Variants in BMPR1B observed in about 807,000 individuals in gnomAD.
BMPR1B encodes bone morphogenetic protein receptor type 1B.
In BMPR1B, 12 loss-of-function variants were observed where a neutral mutation model predicts 59.1. That is an observed-to-expected ratio of 0.20 (90% CI 0.13 to 0.33). The LOEUF is 0.33. BMPR1B is among the 10% of genes least tolerant of loss of function. BMPR1B has a pLI of 1.00. For synonymous variants in BMPR1B, 237 were observed against 207.3 expected (o/e 1.14, Z -1.23); for missense variants, 550 against 610.9 (o/e 0.90, Z 1.05).
At chr4:95,109,015 T>G (rs1287949920) in intron 4 of BMPR1B, among the ~76,000 whole-genome samples, 1 of 152,122 alleles carries the variant, frequency 6.6e-6, no homozygotes, top group Admixed American at 6.6e-5. Flanking sequence ...TTATATATTT[T>G]TTCTCTATAT....
intron 3 of BMPR1B, among the ~76,000 whole-genome samples, chr4:95,076,060 A>G (rs1728683912): frequency 6.6e-6 from 1 of 152,192 alleles, no homozygotes; most frequent in Non-Finnish European, 1.5e-5. Flanking sequence ...ATTCAAAAAT[A>G]GTTTCTAAAT....
At chr4:95,008,025 T>C (rs557525872) in intron 3 of BMPR1B, among the ~76,000 whole-genome samples, 2 of 152,302 alleles carry the variant, frequency 1.3e-5, no homozygotes, top group South Asian at 4.1e-4. Context: ...CTTGTGCAAC[T>C]ATGTGGGAGT....
intron 1 of BMPR1B, among the ~76,000 whole-genome samples, chr4:94,835,739 T>C (rs74901655): frequency 6.6e-6 from 1 of 152,186 alleles, no homozygotes; most frequent in Admixed American, 6.6e-5. Flanking sequence ...TCCAGCCATT[T>C]AGGAGTTATC....
intron 3 of BMPR1B, among the ~76,000 whole-genome samples, chr4:95,037,633 A>G (rs540981662): frequency 1.3e-5 from 2 of 152,212 alleles, no homozygotes; most frequent in Non-Finnish European, 2.9e-5. Flanking sequence ...GATGAAAAGG[A>G]TAAAGACTAA....
chr4:94,967,642 C>T (rs954515603), intron 2 of BMPR1B, among the ~76,000 whole-genome samples: 3 of 152,008 alleles, frequency 2.0e-5, no homozygotes, highest in Non-Finnish European at 4.4e-5. Context: ...GCCACCATGC[C>T]CGGCTAATTT....
chr4:95,105,297 T>C (rs1731122755), intron 4 of BMPR1B, among the ~76,000 whole-genome samples: 1 of 152,016 alleles, frequency 6.6e-6, no homozygotes, highest in Non-Finnish European at 1.5e-5. Flanking sequence ...GGGTCAGCTA[T>C]CTAGAAGAGC....
At chr4:95,030,749 A>G (rs138456042) in intron 3 of BMPR1B, among the ~76,000 whole-genome samples, 41,852 of 152,078 alleles carry the variant, frequency 0.28, 6,517 homozygotes, top group South Asian at 0.43. Context: ...GAGCCAAATA[A>G]TGAGTGAACT....
At chr4:95,123,209 A>G (rs545433711) in intron 6 of BMPR1B, among the ~76,000 whole-genome samples, 1 of 152,292 alleles carries the variant, frequency 6.6e-6, no homozygotes, top group South Asian at 2.1e-4. Context: ...TGGAACATAT[A>G]CATTCTTTTA....
chr4:94,801,289 A>G (rs1041928069), intron 1 of BMPR1B, among the ~76,000 whole-genome samples: 1 of 152,204 alleles, frequency 6.6e-6, no homozygotes, highest in Non-Finnish European at 1.5e-5. Flanking sequence ...ACTAAATACA[A>G]AACAGTTCTT....
chr4:94,789,346 T>C (rs1291988317), intron 1 of BMPR1B, among the ~76,000 whole-genome samples: 1 of 152,180 alleles, frequency 6.6e-6, no homozygotes, highest in Non-Finnish European at 1.5e-5. Context: ...AGGATCAGCT[T>C]CAATGATTGC....
At position 95,112,505 on chromosome 4, in the gene BMPR1B, G is replaced by C. The variant is rs566751234; in HGVS notation, c.144-2215G>C. Among the ~76,000 whole-genome samples the C allele has an allele frequency of 7.4e-4, 112 of 152,256 alleles. No homozygotes were observed. In the Middle Eastern group the frequency reaches 0.014, roughly 18 times the overall value. ...TCTGTAATTGTAGTGCTAGTTTCCAGTTGATGTTCCTTGCTGGAGAGCAAT... is the reference window on the plus strand; with the variant it reads ...TCTGTAATTGTAGTGCTAGTTTCCACTTGATGTTCCTTGCTGGAGAGCAAT... On this transcript the variant is annotated intron_variant, in intron 4 of 12. Transcript: ENST00000515059.
intron 11 of BMPR1B, among the ~76,000 whole-genome samples, chr4:95,152,311 G>A (rs1380585584): frequency 2.0e-5 from 3 of 152,054 alleles, no homozygotes; most frequent in African/African-American, 2.4e-5. Context: ...TTGCAGATTT[G>A]CATTGAGATT....
intron 2 of BMPR1B, among the ~76,000 whole-genome samples, chr4:94,892,059 AT>A (rs1223008602): frequency 2.6e-5 from 4 of 152,112 alleles, no homozygotes; most frequent in African/African-American, 9.7e-5. Flanking sequence ...AAAAAAACTC[AT>A]GTCTCATTTA....
chr4:94,935,359 A>G (rs1288756894), intron 2 of BMPR1B, among the ~76,000 whole-genome samples: 1 of 152,172 alleles, frequency 6.6e-6, no homozygotes, highest in African/African-American at 2.4e-5. Context: ...TATTTTGGTA[A>G]TTTGTGAACT....
chr4:94,788,433 C>T (rs139746332), intron 1 of BMPR1B, among the ~76,000 whole-genome samples: 49 of 152,206 alleles, frequency 3.2e-4, no homozygotes, highest in Admixed American at 2.2e-3. Flanking sequence ...ACATTTTGAA[C>T]AGCCATAGCC....
At chr4:94,779,782 A>G (rs1455280759) in intron 1 of BMPR1B, among the ~76,000 whole-genome samples, 1 of 152,098 alleles carries the variant, frequency 6.6e-6, no homozygotes, top group Non-Finnish European at 1.5e-5. Context: ...CAGTGAGCCG[A>G]GATCGTGCCA....
intron 2 of BMPR1B, among the ~76,000 whole-genome samples, chr4:94,973,765 T>G (rs2149079587): frequency 6.6e-6 from 1 of 152,262 alleles, no homozygotes; most frequent in African/African-American, 2.4e-5. Context: ...GTAACAGCAT[T>G]TTCATAGAAC....
chr4:94,969,698 CTTGTG>C (rs1160042220), intron 2 of BMPR1B, among the ~76,000 whole-genome samples: 14 of 152,098 alleles, frequency 9.2e-5, no homozygotes, highest in African/African-American at 3.4e-4. Context: ...ACATATTTCA[CTTGTG>C]AGTGTTTTCT....
At chr4:94,979,700 A>G (rs964839167) in intron 2 of BMPR1B, among the ~76,000 whole-genome samples, 2 of 152,256 alleles carry the variant, frequency 1.3e-5, no homozygotes, top group Non-Finnish European at 2.9e-5. Context: ...ATCAAGAACC[A>G]TATGGTTAAA....
Sources: allele counts gnomAD v4.1 joint callset (sites outside exome capture counted in the v4.1 genomes callset), GRCh38; gene constraint gnomAD v4.1.1; transcripts MANE v1.5; gene names NCBI Gene and HGNC (gene_info 2026-07-23, HGNC 2026-07-21).